The following RIN2 variants were observed in gnomAD, a reference collection of about 807,000 sequenced individuals.
The protein encoded by RIN2 is Ras and Rab interactor 2.
RIN2 carries 36 observed loss-of-function variants against 78.0 expected under a neutral mutation model. The ratio of observed to expected loss-of-function variants is 0.46; its 90% confidence interval spans 0.35 to 0.61. RIN2 has a LOEUF of 0.61. Ranked by LOEUF, RIN2 falls within the 20% of genes least tolerant of loss-of-function variation. RIN2 has a pLI of 0.00. For missense variants in RIN2, 1,087 were observed against 1,159.7 expected (o/e 0.94, Z 0.91); for synonymous variants, 466 against 466.8 (o/e 1.00, Z 0.02).
chr20:19,949,301 C>T (rs2041221307), intron 4 of RIN2, among the ~76,000 whole-genome samples: 1 of 152,116 alleles, frequency 6.6e-6, no homozygotes, highest in African/African-American at 2.4e-5. Flanking sequence ...AAATAAAAAT[C>T]TAATTGCTCG....
At chr20:19,779,854 G>A (rs1357395920) in intron 1 of RIN2, among the ~76,000 whole-genome samples, 1 of 152,112 alleles carries the variant, frequency 6.6e-6, no homozygotes, top group East Asian at 1.9e-4. Context: ...TGTGCCTCCG[G>A]GGAAAGAATA....
At chr20:19,770,867 G>GCCCCCCCCCCCCC (rs1248928712) in intron 1 of RIN2, among the ~76,000 whole-genome samples, 1 of 56,664 alleles carries the variant, frequency 1.8e-5, no homozygotes, top group Non-Finnish European at 3.5e-5. Context: ...TCACAAGACT[G>GCCCCCCCCCCCCC]CCCCCACCCC....
intron 2 of RIN2, chr20:19,886,633 C>A: frequency 7.7e-5 from 30 of 387,260 alleles, no homozygotes; most frequent in South Asian, 1.1e-4. Context: ...TTTTTTTTTG[C>A]TAGCTTTTAG....
At chr20:19,800,649 C>G (rs1271842528) in intron 2 of RIN2, among the ~76,000 whole-genome samples, 2 of 152,188 alleles carry the variant, frequency 1.3e-5, no homozygotes, top group African/African-American at 4.8e-5. Flanking sequence ...AAGGCTGGCT[C>G]CAGCCCCCAG....
In RIN2 at chr20:19,956,709, A is replaced by G. The variant is rs749230025; in HGVS notation, c.253A>G (p.Ser85Gly). The G allele has an allele frequency of 5.0e-6, 8 of 1,612,106 alleles. No individual in the cohort carries two copies. Among genetic ancestry groups the G allele is most frequent in the Non-Finnish European group, 5.9e-6 (7 of 1,179,224 alleles). Reference sequence around the variant, plus strand: ...CTATGACAGCCTCTCCAACAGGCTCAGCATCTTGGACCGGCTCCTCCACAC... The same window carrying G: ...CTATGACAGCCTCTCCAACAGGCTCGGCATCTTGGACCGGCTCCTCCACAC... The part of the protein sequence containing the change: ...SGYDSLSNRL[S>G]ILDRLLHTHP... Residue 85 changes from serine to glycine, a missense_variant, in exon 5 of 13, where the codon AGC (serine) becomes GGC (glycine). Physicochemically the swap from Ser to Gly is moderately conservative, Grantham distance 56. This residue lies in a region of RIN2 where 706 missense variants were observed against 667.5 expected (regional missense o/e 1.06). Coordinates refer to ENST00000255006, the MANE Select transcript of RIN2 (RefSeq NM_018993.4).
Position 19,974,914 on chromosome 20 carries a change from A to G in RIN2, c.889A>G (p.Asn297Asp). ...GAAACGGCCGAGCACAAGGACTCCC[A>G]ACGCGAATGGCACGGAGCGGACTCG... ...GLKRPSTRTP[N>D]ANGTERTRSP... The change falls in exon 9 of 13, where the codon AAC (asparagine) becomes GAC (aspartate). Residue 297 changes from asparagine to aspartate, a missense_variant. This residue lies in a region of RIN2 where 706 missense variants were observed against 667.5 expected (regional missense o/e 1.06). Coordinates refer to ENST00000255006, the MANE Select transcript of RIN2 (RefSeq NM_018993.4). The G allele has an allele frequency of 6.2e-7, 1 of 1,613,848 alleles. No homozygotes were observed. Among genetic ancestry groups the G allele is most frequent in the African/African-American group, 1.3e-5 (1 of 75,062 alleles).
At chr20:19,838,343 A>G (rs1383039792) in intron 2 of RIN2, among the ~76,000 whole-genome samples, 1 of 152,180 alleles carries the variant, frequency 6.6e-6, no homozygotes, top group Non-Finnish European at 1.5e-5. Context: ...TAAGACTGTT[A>G]CTTTTTGTAC....
chr20:19,958,970 G>A (rs2041646634), intron 5 of RIN2, among the ~76,000 whole-genome samples: 1 of 152,228 alleles, frequency 6.6e-6, no homozygotes, highest in African/African-American at 2.4e-5. Context: ...TGGCATGAGT[G>A]AAGTGGGCTC....
chr20:19,983,341 T>C (rs1448738760), intron 9 of RIN2, among the ~76,000 whole-genome samples: 1 of 152,202 alleles, frequency 6.6e-6, no homozygotes, highest in Admixed American at 6.5e-5. Context: ...TTCTCCACCA[T>C]CTGGGAAAGT....
intron 2 of RIN2, among the ~76,000 whole-genome samples, chr20:19,878,055 G>C (rs2123416473): frequency 6.6e-6 from 1 of 152,242 alleles, no homozygotes; most frequent in Admixed American, 6.5e-5. Flanking sequence ...TGTCCATTCT[G>C]TTGTGAGCCC....
intron 1 of RIN2, among the ~76,000 whole-genome samples, chr20:19,784,145 CCAGCAACTCCTG>C (rs775071528): frequency 1.6e-4 from 25 of 152,208 alleles, no homozygotes; most frequent in Non-Finnish European, 2.8e-4. Context: ...TGCGGCTTTG[CCAGCAACTCCTG>C]CAACCTGTAG....
At chr20:19,993,561 G>A (rs145593201) in intron 11 of RIN2, among the ~76,000 whole-genome samples, 208 of 152,070 alleles carry the variant, frequency 1.4e-3, no homozygotes, top group African/African-American at 4.7e-3. Flanking sequence ...CTCTCCTCCC[G>A]TACCCGATCC....
chr20:19,763,378 A>C (rs1445539727), intron 1 of RIN2, among the ~76,000 whole-genome samples: 1 of 151,970 alleles, frequency 6.6e-6, no homozygotes, highest in Non-Finnish European at 1.5e-5. Context: ...ACAGAGCAAG[A>C]CTCTGTCTCT....
At chr20:19,773,693 T>C (rs528355193) in intron 1 of RIN2, among the ~76,000 whole-genome samples, 5 of 152,126 alleles carry the variant, frequency 3.3e-5, no homozygotes, top group African/African-American at 9.6e-5. Context: ...GCCAGGTACA[T>C]CTCTTTGGAG....
chr20:19,833,283 T>TATATA (rs1568794573), intron 2 of RIN2, among the ~76,000 whole-genome samples: 263 of 151,030 alleles, frequency 1.7e-3, no homozygotes, highest in African/African-American at 6.2e-3. Flanking sequence ...TAGATATAGG[T>TATATA]TATATATATA....
chr20:19,805,548 C>T (rs550537326), intron 2 of RIN2, among the ~76,000 whole-genome samples: 17 of 152,008 alleles, frequency 1.1e-4, no homozygotes, highest in Admixed American at 2.6e-4. Flanking sequence ...ATTACAGGCA[C>T]GCACCACCAC....
chr20:19,910,717 C>T (rs1443088889), intron 3 of RIN2, among the ~76,000 whole-genome samples: 4 of 151,302 alleles, frequency 2.6e-5, no homozygotes, highest in Non-Finnish European at 5.9e-5. Context: ...TACAGGCGCC[C>T]ACTACCACGC....
chr20:19,894,702 T>C (rs1373062290), intron 3 of RIN2, among the ~76,000 whole-genome samples: 1 of 152,232 alleles, frequency 6.6e-6, no homozygotes, highest in Non-Finnish European at 1.5e-5. Context: ...CAGAGATAAT[T>C]GGAAGGCAAT....
chr20:19,956,463 G>A (rs1415982564), intron 4 of RIN2, among the ~76,000 whole-genome samples, 152 bp from the exon 5 acceptor site: 1 of 152,098 alleles, frequency 6.6e-6, no homozygotes, highest in Non-Finnish European at 1.5e-5. Flanking sequence ...CCCTCAGAAA[G>A]CTTTCAGTCT....
Sources: gnomAD v4.1 joint callset for allele counts (sites outside exome capture counted in the v4.1 genomes callset) on GRCh38, gnomAD v4.1.1 for gene constraint, gnomAD v4.1.1 regional missense constraint, MANE v1.5 for transcripts, NCBI Gene and HGNC (gene_info 2026-07-23, HGNC 2026-07-21) for gene names.